Variants in ANAPC10 observed in about 807,000 individuals in gnomAD.
The protein encoded by ANAPC10 is anaphase promoting complex subunit 10, also known as anaphase-promoting complex subunit 10.
Under a neutral mutation model 22.0 loss-of-function variants are expected in ANAPC10, and 12 were observed. That is an observed-to-expected ratio of 0.55 (90% CI 0.35 to 0.88). ANAPC10 has a LOEUF of 0.88. Ranked by LOEUF, ANAPC10 falls within the 40% of genes least tolerant of loss-of-function variation. The probability of loss-of-function intolerance (pLI) is 0.01; values close to 1 mark genes in which losing one functional copy is unlikely to be tolerated. For synonymous variants in ANAPC10, 65 were observed against 69.5 expected, an observed-to-expected ratio of 0.94 and a Z score of 0.32; for missense variants, 188 against 220.9, an observed-to-expected ratio of 0.85 and a Z score of 0.94.
chr4:145,019,250 C>G (rs1259459326), intron 4 of ANAPC10, among the ~76,000 whole-genome samples: 1 of 152,174 alleles, frequency 6.6e-6, no homozygotes, highest in East Asian at 1.9e-4. Flanking sequence ...ATCAAGGACT[C>G]TCTCAGACCA....
intron 2 of ANAPC10, among the ~76,000 whole-genome samples, chr4:145,095,621 T>C (rs1213148211): frequency 6.6e-6 from 1 of 152,180 alleles, no homozygotes. Flanking sequence ...CTCGCTCTCA[T>C]CACATAGACA....
chr4:145,027,411 T>C (rs896943658), intron 4 of ANAPC10, among the ~76,000 whole-genome samples: 4 of 152,022 alleles, frequency 2.6e-5, no homozygotes, highest in Non-Finnish European at 4.4e-5. Context: ...TCATAGCTAA[T>C]AAATGTGAAT....
intron 4 of ANAPC10, among the ~76,000 whole-genome samples, chr4:145,031,594 C>T (rs1237588953): frequency 6.6e-6 from 1 of 152,180 alleles, no homozygotes; most frequent in Non-Finnish European, 1.5e-5. Context: ...GGGTCCAGAA[C>T]AGGAGAAGGC....
intron 4 of ANAPC10, among the ~76,000 whole-genome samples, chr4:145,026,195 T>C (rs1304354458): frequency 6.6e-6 from 1 of 151,992 alleles, no homozygotes; most frequent in Non-Finnish European, 1.5e-5. Context: ...AAAATGAAAA[T>C]CCGTAAGAAA....
At chr4:145,031,223 A>G (rs1382389703) in intron 4 of ANAPC10, among the ~76,000 whole-genome samples, 1 of 152,200 alleles carries the variant, frequency 6.6e-6, no homozygotes, top group East Asian at 1.9e-4. Flanking sequence ...CTTCCACAAG[A>G]TATCACACTG....
At chr4:145,064,736 A>G (rs1475178057) in intron 3 of ANAPC10, 44 bp from the exon 4 acceptor site, 1 of 1,428,830 alleles carries the variant, frequency 7.0e-7, no homozygotes, top group Non-Finnish European at 9.4e-7. Context: ...CATCATATGA[A>G]AAGATTTCCA....
At chr4:145,095,911 G>T in intron 2 of ANAPC10, 74 bp downstream of exon 2, 2 of 1,580,174 alleles carry the variant, frequency 1.3e-6, no homozygotes, top group Non-Finnish European at 1.7e-6. Flanking sequence ...TATCCCCTGG[G>T]ATAAGGGGAG....
chr4:145,032,222 G>T (rs900845629), intron 4 of ANAPC10, among the ~76,000 whole-genome samples: 1 of 152,206 alleles, frequency 6.6e-6, no homozygotes, highest in African/African-American at 2.4e-5. Flanking sequence ...CCCTTTCTAG[G>T]ACATCCCTGA....
At position 145,077,148 on chromosome 4, in the gene ANAPC10, G is replaced by A. The variant is rs1049684296; in HGVS notation, c.206+4512C>T. ...CGGGAGGCGGAGCTTGCAGTGAGCC[G>A]AGATCGTGCCACTGCACTCCAGCCT... is the stretch of plus-strand genomic sequence containing the variant. On this transcript the variant is annotated intron_variant, in intron 3 of 4. Transcript: ENST00000507656. Among the ~76,000 whole-genome samples the A allele has an allele frequency of 3.3e-5, 5 of 152,068 alleles. No homozygotes were observed. The East Asian group carries it at 5.8e-4, about 18-fold the overall frequency.
At chr4:145,093,853 C>G (rs1230008905) in intron 2 of ANAPC10, among the ~76,000 whole-genome samples, 2 of 152,118 alleles carry the variant, frequency 1.3e-5, no homozygotes, top group African/African-American at 2.4e-5. Flanking sequence ...AACAAATGGT[C>G]TAGCATATGT....
chr4:145,053,547 T>C, intron 4 of ANAPC10: 1 of 407,956 alleles, frequency 2.5e-6, no homozygotes, highest in Non-Finnish European at 4.3e-6. Context: ...GTGAGATGGC[T>C]AAGCTACGGT....
intron 2 of ANAPC10, among the ~76,000 whole-genome samples, chr4:145,087,239 C>A (rs915701921): frequency 2.0e-5 from 3 of 152,190 alleles, no homozygotes; most frequent in Non-Finnish European, 4.4e-5. Context: ...AGCACTAACA[C>A]AACACCACTA....
At chr4:145,067,429 C>G (rs1003625727) in intron 3 of ANAPC10, among the ~76,000 whole-genome samples, 2 of 152,118 alleles carry the variant, frequency 1.3e-5, no homozygotes, top group African/African-American at 4.8e-5. Flanking sequence ...TGGACACTCT[C>G]TATCCCCTCA....
At chr4:144,999,471 A>G (rs1732165353) in intron 4 of ANAPC10, among the ~76,000 whole-genome samples, 1 of 152,096 alleles carries the variant, frequency 6.6e-6, no homozygotes, top group African/African-American at 2.4e-5. Flanking sequence ...TAGGAATACA[A>G]CTTACAAGGG....
intron 4 of ANAPC10, among the ~76,000 whole-genome samples, chr4:145,007,854 C>CA (rs372431479): frequency 0.014 from 844 of 62,168 alleles, 7 homozygotes; most frequent in African/African-American, 0.045. Context: ...CACAGAGACA[C>CA]AAAAAAAACC....
intron 4 of ANAPC10, among the ~76,000 whole-genome samples, chr4:145,023,284 G>A (rs1259140912): frequency 1.3e-5 from 2 of 152,096 alleles, no homozygotes; most frequent in Non-Finnish European, 2.9e-5. Flanking sequence ...CCTAGAGTCA[G>A]AATAACCGTT....
chr4:144,995,966 T>C (rs1400256713), intron 4 of ANAPC10, among the ~76,000 whole-genome samples: 6 of 152,234 alleles, frequency 3.9e-5, no homozygotes, highest in African/African-American at 9.6e-5. Flanking sequence ...ACAAGTAGTA[T>C]GTGCCTCCTC....
At chr4:145,044,708 A>C (rs988263616) in intron 4 of ANAPC10, among the ~76,000 whole-genome samples, 27 of 152,106 alleles carry the variant, frequency 1.8e-4, no homozygotes, top group African/African-American at 6.3e-4. Context: ...TACCGTTCAT[A>C]ACCTATAACT....
intron 4 of ANAPC10, among the ~76,000 whole-genome samples, chr4:145,014,964 G>A (rs1734876732): frequency 6.6e-6 from 1 of 152,072 alleles, no homozygotes. Context: ...CCTTCCCTCT[G>A]ACAGAGGCTA....
Sources: allele counts gnomAD v4.1 joint callset (sites outside exome capture counted in the v4.1 genomes callset), GRCh38; gene constraint gnomAD v4.1.1; transcripts MANE v1.5; gene names NCBI Gene and HGNC (gene_info 2026-07-23, HGNC 2026-07-21).